The following RPH3AL variants were observed in gnomAD, a reference collection of about 807,000 sequenced individuals.
RPH3AL encodes rab effector Noc2.
In RPH3AL, 38 loss-of-function variants were observed where a neutral mutation model predicts 43.1. The ratio of observed to expected loss-of-function variants is 0.88; its 90% CI spans 0.68 to 1.15. RPH3AL has a LOEUF of 1.15. Ranked by LOEUF, RPH3AL falls within the 50% of genes most tolerant of loss-of-function variation. The probability of loss-of-function intolerance (pLI) is 0.00; values close to 1 mark genes in which losing one functional copy is unlikely to be tolerated. For synonymous variants in RPH3AL, 189 were observed against 176.3 expected (o/e 1.07, Z -0.57); for missense variants, 462 against 423.2 (o/e 1.09, Z -0.81).
chr17:289,581 T>A lies in RPH3AL; in HGVS notation c.352-7727A>T, dbSNP rs753502424. ...AAATCTAATCATGTCACCTCTCCCA[T>A]CCCTCCCAACTTAAAAGCCATCAGA... On this transcript the variant is annotated intron_variant, in intron 5 of 9. Coordinates refer to ENST00000331302, the MANE Select transcript of RPH3AL (RefSeq NM_006987.4). This position sits in a 1 kb window ranked among gnomAD's most constrained non-coding sequence, Gnocchi z 5.2. 8.5e-5 allele frequency among the ~76,000 whole-genome samples: 13 copies of A among 152,058 alleles called. No homozygotes were observed. Among genetic ancestry groups the A allele is most frequent in the Non-Finnish European group, 1.8e-4 (12 of 68,024 alleles).
intron 5 of RPH3AL, among the ~76,000 whole-genome samples, chr17:315,299 G>GACCTGTAGTCCCTGTGACTCCACCTCCAT (rs2043947119): frequency 8.8e-4 from 7 of 7,996 alleles, no homozygotes; most frequent in Admixed American, 3.8e-3. Context: ...CCCACCTCCA[G>GACCTGTAGTCCCTGTGACTCCACCTCCAT]TGACCTGTAG....
At chr17:314,643 C>G (rs2043825533) in intron 5 of RPH3AL, among the ~76,000 whole-genome samples, 4 of 121,396 alleles carry the variant, frequency 3.3e-5, no homozygotes, top group Admixed American at 2.3e-4. Flanking sequence ...GACCTGTAGT[C>G]CCTGTGACTC....
chr17:313,397 G>A (rs1175870482), intron 5 of RPH3AL, among the ~76,000 whole-genome samples: 5 of 152,196 alleles, frequency 3.3e-5, no homozygotes, highest in Admixed American at 6.5e-5. Context: ...CCATCCGGCC[G>A]CTCACTCTCT....
chr17:263,489 G>A (rs912210141), intron 6 of RPH3AL, among the ~76,000 whole-genome samples: 31 of 152,172 alleles, frequency 2.0e-4, no homozygotes, highest in Non-Finnish European at 3.2e-4. Flanking sequence ...AGGAGCCGCC[G>A]GGCGACTGCC....
At chr17:292,152 C>T (rs912695793) in intron 5 of RPH3AL, among the ~76,000 whole-genome samples, 2 of 152,130 alleles carry the variant, frequency 1.3e-5, no homozygotes, top group Non-Finnish European at 2.9e-5. Flanking sequence ...CCTGTGCACC[C>T]CCACAGCGGG....
rs2040907594 is a variant in RPH3AL at position 219,678 on chromosome 17, T to C, written c.672A>G (p.Arg224=). ...GGTCCCTGACCCCAGTGGATGGGAG[T>C]CTGTCCTCTAGGCTGGAGGAGCTAA... ...SDLSSSSLED[R]LPSTGVRDRK... is the part of the protein sequence containing the mutation. Residue 224 remains arginine (R), a synonymous_variant, in exon 8 of 10, where the codon AGA becomes AGG. Coordinates refer to ENST00000331302, the MANE Select transcript of RPH3AL (RefSeq NM_006987.4). 8.1e-6 allele frequency: 13 copies of C among 1,613,134 alleles called. No individual in the cohort carries two copies. Among genetic ancestry groups the C allele is most frequent in the Non-Finnish European group, 1.1e-5 (13 of 1,179,880 alleles).
intron 9 of RPH3AL, chr17:214,803 C>T (rs1217118327): frequency 6.6e-6 from 1 of 152,668 alleles, no homozygotes; most frequent in Non-Finnish European, 1.5e-5. Context: ...TATGGTTCAA[C>T]CTGGGGGTCT....
intron 6 of RPH3AL, among the ~76,000 whole-genome samples, chr17:263,913 G>C (rs2042258840): frequency 6.6e-6 from 1 of 152,178 alleles, no homozygotes; most frequent in Non-Finnish European, 1.5e-5. Flanking sequence ...ACCTCGACGG[G>C]TTTTCAAGGG....
chr17:217,250 C>A (rs2040830519), intron 8 of RPH3AL, among the ~76,000 whole-genome samples: 2 of 133,048 alleles, frequency 1.5e-5, no homozygotes, highest in African/African-American at 5.7e-5. Flanking sequence ...TATTATGGAG[C>A]CCTTTCTTCT....
At chr17:252,542 T>A (rs1162156365) in intron 6 of RPH3AL, among the ~76,000 whole-genome samples, 2 of 152,166 alleles carry the variant, frequency 1.3e-5, no homozygotes, top group Non-Finnish European at 2.9e-5. Flanking sequence ...TCCGAACTCA[T>A]AACTTCTCCA....
chr17:215,860 T>A lies in RPH3AL; in HGVS notation c.728-58A>T. 7.7e-7 allele frequency: 1 copy of A among 1,303,060 alleles called. No homozygotes were observed. The highest frequency in any genetic ancestry group is 9.8e-7 in the Non-Finnish European group (1 of 1,018,932). 80.7% of individuals were successfully genotyped at this position (1,303,060 alleles called of 1,614,324 possible). A position where few individuals can be genotyped will look rare whatever the true frequency, so the allele number is the denominator to read the frequency against. ...TCAAACCGAGACGGGGTGATCTCAG[T>A]CCAGTTCCTCGTTTGGAACTCTAGA... On this transcript the variant is annotated intron_variant, in intron 8 of 9. Coordinates refer to ENST00000331302, the MANE Select transcript of RPH3AL (RefSeq NM_006987.4). This position sits in a 1 kb window ranked among gnomAD's most constrained non-coding sequence, Gnocchi z 4.1.
At position 333,440 on chromosome 17, in the gene RPH3AL, C is replaced by A; in HGVS notation, c.-37+319G>T. 4.0e-6 allele frequency: 2 copies of A among 496,954 alleles called. No individual in the cohort carries two copies. Among genetic ancestry groups the A allele is most frequent in the African/African-American group, 2.0e-5 (1 of 49,718 alleles). 30.8% of individuals were successfully genotyped at this position (496,954 alleles called of 1,614,324 possible). A position where few individuals can be genotyped will look rare whatever the true frequency, so the allele number is the denominator to read the frequency against. On this transcript the variant is annotated intron_variant, in intron 2 of 9. Transcript: ENST00000331302. This position sits in a 1 kb window ranked among gnomAD's most constrained non-coding sequence, Gnocchi z 4.5. ...AAATTGTAATAAAATTGGGTTCTTA[C>A]TGCATACGCTGCTTGCTGGTTTCTA...
intron 6 of RPH3AL, among the ~76,000 whole-genome samples, chr17:275,554 A>C (rs1030214935): frequency 5.3e-5 from 8 of 152,120 alleles, no homozygotes; most frequent in Non-Finnish European, 2.9e-5. Flanking sequence ...AACTGCACAC[A>C]AGTGTTTCTG....
Position 333,097 on chromosome 17 carries a change from C to T in RPH3AL, c.-37+662G>A, listed in dbSNP as rs886800496. On this transcript the variant is annotated intron_variant, in intron 2 of 9. Transcript: ENST00000331302. The surrounding 1 kb of genome is among the most constrained non-coding windows in gnomAD (Gnocchi z 4.5). ...CTCTAAAGTCGAGAGCTCACCACCC[C>T]GGGCGTTCGTCACTGCAGACATCAC... The T allele has an allele frequency of 1.8e-4, 236 of 1,283,604 alleles. 1 individual carries two copies. Among genetic ancestry groups the T allele is most frequent in the African/African-American group, 2.6e-4 (17 of 65,680 alleles). The allele number at this position is 1,283,604 out of a possible 1,614,324, so 79.5% of individuals were successfully genotyped here. A position where few individuals can be genotyped will look rare whatever the true frequency, so the allele number is the denominator to read the frequency against.
At chr17:324,889 C>G (rs1036627420) in intron 3 of RPH3AL, among the ~76,000 whole-genome samples, 5 of 152,170 alleles carry the variant, frequency 3.3e-5, no homozygotes, top group Admixed American at 6.5e-5. Flanking sequence ...CTACACCCGG[C>G]TAATTTTTTG....
In RPH3AL at chr17:264,113, C is replaced by T. The variant is rs1555547201; in HGVS notation, c.439-16828G>A. ...CCGGACTCTCCAAGAGCCTTGGACC[C>T]ACACCGATACTGAACAAGCTCAGCA... is the stretch of plus-strand genomic sequence containing the variant. On this transcript the variant is annotated intron_variant, in intron 6 of 9. Transcript: ENST00000331302. The surrounding 1 kb of genome is among the most constrained non-coding windows in gnomAD (Gnocchi z 4.8). 6.6e-6 allele frequency among the ~76,000 whole-genome samples: 1 copy of T among 152,210 alleles called. No homozygotes were observed. The highest frequency in any genetic ancestry group is 6.5e-5 in the Admixed American group (1 of 15,282).
chr17:310,104 C>T (rs1008698291), intron 5 of RPH3AL, among the ~76,000 whole-genome samples: 14 of 152,088 alleles, frequency 9.2e-5, no homozygotes, highest in African/African-American at 3.4e-4. Flanking sequence ...CTCAGGCGGG[C>T]TCTGCTGTGG....
intron 5 of RPH3AL, among the ~76,000 whole-genome samples, chr17:284,026 A>G (rs1375467353): frequency 1.3e-5 from 2 of 152,216 alleles, no homozygotes; most frequent in South Asian, 2.1e-4. Flanking sequence ...TAACAGGTGG[A>G]AACAAGTGTG....
chr17:277,858 G>A (rs186923577), intron 6 of RPH3AL, among the ~76,000 whole-genome samples: 1 of 152,048 alleles, frequency 6.6e-6, no homozygotes, highest in Non-Finnish European at 1.5e-5. Flanking sequence ...GGGAGGCTGA[G>A]GGGGGAGGGT....
Sources: allele counts gnomAD v4.1 joint callset (sites outside exome capture counted in the v4.1 genomes callset), GRCh38; gene constraint gnomAD v4.1.1; non-coding constraint Gnocchi (gnomAD v3.1); transcripts MANE v1.5; gene names NCBI Gene and HGNC (gene_info 2026-07-23, HGNC 2026-07-21).